TLR6: variants seen among roughly 807,000 people sequenced by gnomAD.
TLR6 encodes the protein toll like receptor 6, also known as toll-like receptor 6.
A neutral mutation model predicts 16.1 loss-of-function variants in TLR6; 9 were observed. The observed-to-expected ratio is 0.56, with a 90% CI of 0.34 to 0.98. The LOEUF (loss-of-function observed/expected upper bound fraction) is 0.98. Ranked by LOEUF, TLR6 falls within the 50% of genes least tolerant of loss-of-function variation. The probability of loss-of-function intolerance (pLI) is 0.02; values close to 1 mark genes in which losing one functional copy is unlikely to be tolerated. For missense variants in TLR6, 786 were observed against 921.0 expected (o/e 0.85, Z 1.90); for synonymous variants, 340 against 338.6 (o/e 1.00, Z -0.04).
the TLR6 span, among the ~76,000 whole-genome samples, chr4:38,866,191 A>T: frequency 4.8e-5 from 7 of 145,334 alleles, no homozygotes; most frequent in African/African-American, 1.9e-4. Context: ...ATTTAATAAA[A>T]ATATTAAATA....
exon 2 of TLR6, chr4:38,827,853 C>G: frequency 6.2e-7 from 1 of 1,614,228 alleles, no homozygotes; most frequent in Non-Finnish European, 8.5e-7. Flanking sequence ...ATATTTTTGA[C>G]AAATTCTCTT....
chr4:38,852,093 G>A (rs1579260599), intron 1 of TLR6, among the ~76,000 whole-genome samples: 1 of 152,240 alleles, frequency 6.6e-6, no homozygotes, highest in African/African-American at 2.4e-5. Context: ...ACAACCATCT[G>A]ATCTTTGACA....
intron 1 of TLR6, among the ~76,000 whole-genome samples, chr4:38,832,539 A>G (rs1711664532): frequency 6.6e-6 from 1 of 152,104 alleles, no homozygotes; most frequent in South Asian, 2.1e-4. Flanking sequence ...TTGTTCCACA[A>G]TGGGACTTCA....
At chr4:38,843,919 C>T (rs1716266625) in intron 1 of TLR6, 1 of 152,210 alleles carries the variant, frequency 6.6e-6, no homozygotes, top group Admixed American at 6.5e-5. Context: ...AATAGACTCC[C>T]TGATGAAAGG....
intron 1 of TLR6, among the ~76,000 whole-genome samples, chr4:38,833,096 C>A (rs773041067): frequency 6.6e-6 from 1 of 152,170 alleles, no homozygotes; most frequent in Non-Finnish European, 1.5e-5. Context: ...CCTGCTGCTG[C>A]CTGTGTCTAC....
In TLR6 at chr4:38,837,286, T is replaced by C. The variant is rs146064284; in HGVS notation, c.-64-7749A>G. On this transcript the variant is annotated intron_variant, in intron 1 of 1. Transcript: ENST00000436693. The stretch of plus-strand genomic sequence containing the variant: ...ACACCCCAAATAGCCAAATCAGTAC[T>C]GAGGAAAAGGGGCAAAGCTGAAGGG... Among the ~76,000 whole-genome samples the C allele has an allele frequency of 2.7e-3, 408 of 152,264 alleles. 1 individual carries two copies. Among genetic ancestry groups the C allele is most frequent in the Middle Eastern group, 0.02 (6 of 294 alleles).
At chr4:38,826,789 A>G (rs1312204940) in exon 2 of TLR6, 1 of 240,590 alleles carries the variant, frequency 4.2e-6, no homozygotes, top group Non-Finnish European at 8.1e-6. Context: ...CTTGCTCACA[A>G]CAGAATCCAT....
upstream of TLR6, among the ~76,000 whole-genome samples, chr4:38,857,883 G>T (rs1338493080): frequency 6.6e-6 from 1 of 152,206 alleles, no homozygotes; most frequent in Non-Finnish European, 1.5e-5. Context: ...AAAGCAGCAG[G>T]TATCTGTGAC....
chr4:38,841,780 C>T (rs192537234), intron 1 of TLR6, among the ~76,000 whole-genome samples: 3 of 152,242 alleles, frequency 2.0e-5, no homozygotes, highest in African/African-American at 7.2e-5. Flanking sequence ...GTTACGTAAG[C>T]CATTTATTTG....
At chr4:38,858,793 G>A (rs1254300994), upstream of TLR6, among the ~76,000 whole-genome samples, 70 of 23,540 alleles carry the variant, frequency 3.0e-3, 2 homozygotes, top group East Asian at 0.023. Context: ...GAGAGAGAGG[G>A]AGAGAGAGAG....
chr4:38,833,323 A>G (rs1181782928), intron 1 of TLR6, among the ~76,000 whole-genome samples: 5 of 152,208 alleles, frequency 3.3e-5, no homozygotes, highest in African/African-American at 9.7e-5. Flanking sequence ...CACTGCTGCC[A>G]CCACTGTTGC....
At chr4:38,849,489 G>T (rs546206663) in intron 1 of TLR6, among the ~76,000 whole-genome samples, 112 of 152,210 alleles carry the variant, frequency 7.4e-4, no homozygotes, top group African/African-American at 2.6e-3. Flanking sequence ...TGGCAAATTG[G>T]ATAAAGAGTC....
intron 1 of TLR6, among the ~76,000 whole-genome samples, chr4:38,836,635 C>T (rs1711933112): frequency 6.6e-6 from 1 of 152,132 alleles, no homozygotes; most frequent in Non-Finnish European, 1.5e-5. Flanking sequence ...CCAGCATTTT[C>T]CTGATACCAA....
At position 38,828,734 on chromosome 4, in the gene TLR6, C is replaced by T. The variant is rs35220466; in HGVS notation, c.740G>A (p.Arg247Lys). Reference sequence around the variant, plus strand: ...GGTAAAATTCAGTAAGGTTGAACCTCTGGTGAGTTCTGATAAAAATTTAAT... The same window carrying T: ...GGTAAAATTCAGTAAGGTTGAACCTTTGGTGAGTTCTGATAAAAATTTAAT... The change falls in exon 2 of 2, where the codon AGA becomes AAA. Residue 247 changes from arginine (R) to lysine (K), a missense_variant. By Grantham distance (26) the Arg-to-Lys change is conservative. Transcript: ENST00000436693. The T allele has an allele frequency of 8.6e-4, 1,393 of 1,613,838 alleles. 11 individuals carry two copies. In the African/African-American group the frequency reaches 0.015, roughly 18 times the overall value.
chr4:38,858,214 C>T (rs560745464), upstream of TLR6, among the ~76,000 whole-genome samples: 1 of 152,330 alleles, frequency 6.6e-6, no homozygotes, highest in East Asian at 1.9e-4. Context: ...CTCCACTTGG[C>T]CACTTACTGT....
chr4:38,857,133 G>A (rs1458847395), upstream of TLR6, among the ~76,000 whole-genome samples: 1 of 152,148 alleles, frequency 6.6e-6, no homozygotes, highest in Non-Finnish European at 1.5e-5. Flanking sequence ...TAAACAGCCT[G>A]TTTTCTATTA....
chr4:38,859,106 C>T (rs143451507), upstream of TLR6, among the ~76,000 whole-genome samples: 725 of 152,312 alleles, frequency 4.8e-3, 5 homozygotes, highest in Non-Finnish European at 7.5e-3. Flanking sequence ...CCAGCTTGCA[C>T]TGCTGGTCAG....
At chr4:38,863,111 T>C in the TLR6 span, among the ~76,000 whole-genome samples, 1 of 152,112 alleles carries the variant, frequency 6.6e-6, no homozygotes, top group African/African-American at 2.4e-5. Flanking sequence ...AATAGCTCTT[T>C]TCAAGGTCAC....
At chr4:38,836,921 C>T (rs1441420930) in intron 1 of TLR6, among the ~76,000 whole-genome samples, 1 of 141,636 alleles carries the variant, frequency 7.1e-6, no homozygotes, top group Non-Finnish European at 1.5e-5. Context: ...GACTGGGTGA[C>T]AGAGTGAGAC....
Sources: allele counts gnomAD v4.1 joint callset (sites outside exome capture counted in the v4.1 genomes callset), GRCh38; gene constraint gnomAD v4.1.1; transcripts MANE v1.5; gene names NCBI Gene and HGNC (gene_info 2026-07-23, HGNC 2026-07-21).